The following TSPAN2 variants were observed in gnomAD, a reference collection of about 807,000 sequenced individuals.
The protein encoded by TSPAN2 is tetraspanin 2.
In TSPAN2, 24 loss-of-function variants were observed where a neutral mutation model predicts 33.3. The ratio of observed to expected loss-of-function variants is 0.72; its 90% confidence interval spans 0.52 to 1.01. TSPAN2 has a LOEUF of 1.01. Ranked by LOEUF, TSPAN2 falls within the 50% of genes least tolerant of loss-of-function variation. TSPAN2 has a pLI of 0.00. For missense variants in TSPAN2, 278 were observed against 281.3 expected (o/e 0.99, Z 0.08); for synonymous variants, 114 against 104.5 (o/e 1.09, Z -0.56).
At chr1:115,074,717 AT>A (rs1648333968) in intron 1 of TSPAN2, among the ~76,000 whole-genome samples, 1 of 152,154 alleles carries the variant, frequency 6.6e-6, no homozygotes, top group Non-Finnish European at 1.5e-5. Flanking sequence ...TTAAAAATAC[AT>A]TTTTAAAGTG....
chr1:115,080,326 C>A (rs1648578690), intron 1 of TSPAN2, among the ~76,000 whole-genome samples: 1 of 152,124 alleles, frequency 6.6e-6, no homozygotes, highest in Admixed American at 6.5e-5. Flanking sequence ...CTCTGTTGCC[C>A]AGGCTGGAGT....
In TSPAN2 at chr1:115,060,549, G is replaced by A; in HGVS notation, c.271-11C>T. The stretch of plus-strand genomic sequence containing the variant: ...GAGGCAGGTAAAAAACTGTAGAGGA[G>A]AGAAAATACTAATTTCATTAATTTA... On this transcript the variant is annotated splice_polypyrimidine_tract_variant and intron_variant, in intron 3 of 7. Coordinates refer to ENST00000369516, the MANE Select transcript of TSPAN2 (RefSeq NM_005725.6). 1 of 1,603,498 alleles carries A rather than the reference G, an allele frequency of 6.2e-7. No individual in the cohort carries two copies. The highest frequency in any genetic ancestry group is 2.2e-5 in the East Asian group (1 of 44,740).
intron 4 of TSPAN2, 49 bp downstream of exon 4, chr1:115,060,415 C>A: frequency 7.0e-7 from 1 of 1,432,262 alleles, no homozygotes; most frequent in South Asian, 1.2e-5. Flanking sequence ...TATCAATATT[C>A]TAACACTTTT....
chr1:115,089,491 G>T lies in TSPAN2; in HGVS notation c.-59C>A, dbSNP rs1384439608. ...GGCCCGCGCTACGAGCGCGGGGAGC[G>T]GCAGGCTCCGGCGGGGAGGGGGCGG... is the stretch of plus-strand genomic sequence containing the variant. On this transcript the variant is annotated 5_prime_UTR_variant, in exon 1 of 8. Coordinates refer to ENST00000369516, the MANE Select transcript of TSPAN2 (RefSeq NM_005725.6). 5.4e-6 allele frequency: 7 copies of T among 1,299,104 alleles called. No homozygotes were observed. The highest frequency in any genetic ancestry group is 3.1e-5 in the East Asian group (1 of 31,990). 80.5% of individuals were successfully genotyped at this position (1,299,104 alleles called of 1,614,324 possible).
intron 2 of TSPAN2, among the ~76,000 whole-genome samples, chr1:115,067,573 C>T (rs1040556571): frequency 2.0e-5 from 3 of 152,136 alleles, no homozygotes; most frequent in Non-Finnish European, 2.9e-5. Context: ...ATATGACCAG[C>T]GTGAGTCAGA....
At chr1:115,077,383 A>G (rs1274752294) in intron 1 of TSPAN2, among the ~76,000 whole-genome samples, 1 of 152,206 alleles carries the variant, frequency 6.6e-6, no homozygotes, top group Non-Finnish European at 1.5e-5. Flanking sequence ...GATAGTGACA[A>G]TAATTCCAAG....
chr1:115,053,945 A>G (rs1647284991), intron 6 of TSPAN2, among the ~76,000 whole-genome samples: 1 of 152,230 alleles, frequency 6.6e-6, no homozygotes, highest in African/African-American at 2.4e-5. Flanking sequence ...AAGTTAAACA[A>G]AGGAAAGCCA....
chr1:115,075,514 CT>C (rs1425214793), intron 1 of TSPAN2, among the ~76,000 whole-genome samples: 1 of 152,170 alleles, frequency 6.6e-6, no homozygotes, highest in Non-Finnish European at 1.5e-5. Context: ...CTCGCCATTC[CT>C]TTAAGATTCA....
chr1:115,089,268 C>T, intron 1 of TSPAN2, 96 bp downstream of exon 1: 2 of 1,145,242 alleles, frequency 1.7e-6, no homozygotes, highest in Non-Finnish European at 2.4e-6. Flanking sequence ...CCCACGAGCG[C>T]GACTCGGACG....
intron 1 of TSPAN2, among the ~76,000 whole-genome samples, chr1:115,084,063 T>C (rs1648739832): frequency 6.6e-6 from 1 of 152,214 alleles, no homozygotes; most frequent in Admixed American, 6.5e-5. Context: ...AGCCTCTTGC[T>C]ACCTTGCTTG....
intron 1 of TSPAN2, among the ~76,000 whole-genome samples, chr1:115,081,777 C>T (rs1315649736): frequency 6.6e-6 from 1 of 152,230 alleles, no homozygotes; most frequent in African/African-American, 2.4e-5. Flanking sequence ...ATGTTACCTT[C>T]AAACCAAAAG....
chr1:115,059,644 C>T (rs906893538), intron 4 of TSPAN2, among the ~76,000 whole-genome samples: 1 of 152,194 alleles, frequency 6.6e-6, no homozygotes, highest in Non-Finnish European at 1.5e-5. Context: ...TTAGAGAATG[C>T]TTTTTCTAGT....
At chr1:115,052,627 C>A (rs551232577) in intron 7 of TSPAN2, among the ~76,000 whole-genome samples, 87 of 152,256 alleles carry the variant, frequency 5.7e-4, no homozygotes, top group African/African-American at 2.1e-3. Context: ...CATACCTGTC[C>A]GCTGCTATCC....
chr1:115,055,812 T>C lies in TSPAN2; in HGVS notation c.516+1725A>G, dbSNP rs144569567. On this transcript the variant is annotated intron_variant, in intron 6 of 7. Transcript: ENST00000369516. ...GCTAGGATTACAGGTGAAATCATGA[T>C]TCTTAATGGTGGTAAAACATTTCAT... Among the ~76,000 whole-genome samples, 729 of 152,294 alleles carry C rather than the reference T, an allele frequency of 4.8e-3. 8 individuals are homozygous for C. Among genetic ancestry groups the C allele is most frequent in the African/African-American group, 0.016 (680 of 41,562 alleles).
chr1:115,069,188 A>G (rs1023093459), intron 2 of TSPAN2, among the ~76,000 whole-genome samples: 1 of 152,190 alleles, frequency 6.6e-6, no homozygotes, highest in Non-Finnish European at 1.5e-5. Context: ...CTGTGACACC[A>G]AGAGCAAGCA....
Position 115,057,642 on chromosome 1 carries a change from C to T in TSPAN2, c.445-34G>A, listed in dbSNP as rs376518245. On this transcript the variant is annotated intron_variant, in intron 5 of 7. Transcript: ENST00000369516. ...TCAGAAAAGAGACTTCAGGACCAGG[C>T]GGGAGGAGTAGCAGCTACAAGTCTG... The T allele has an allele frequency of 1.4e-4, 224 of 1,606,350 alleles. 1 individual carries two copies. The highest frequency in any genetic ancestry group is 1.7e-4 in the Non-Finnish European group (203 of 1,173,516).
intron 1 of TSPAN2, among the ~76,000 whole-genome samples, chr1:115,080,170 T>C (rs1368705041): frequency 6.6e-6 from 1 of 152,186 alleles, no homozygotes; most frequent in Non-Finnish European, 1.5e-5. Context: ...GTGGAAAATG[T>C]GTTGTTTATT....
intron 6 of TSPAN2, among the ~76,000 whole-genome samples, chr1:115,056,166 T>C (rs775151470): frequency 6.6e-6 from 1 of 152,368 alleles, no homozygotes; most frequent in East Asian, 1.9e-4. Flanking sequence ...GTCAATTTCA[T>C]AGATTAAACA....
chr1:115,087,503 C>A (rs1170203116), intron 1 of TSPAN2, among the ~76,000 whole-genome samples: 1 of 150,000 alleles, frequency 6.7e-6, no homozygotes, highest in East Asian at 2.0e-4. Flanking sequence ...GTAGTCCCAG[C>A]TATTTGGGCG....
Sources: allele counts gnomAD v4.1 joint callset (sites outside exome capture counted in the v4.1 genomes callset), GRCh38; gene constraint gnomAD v4.1.1; transcripts MANE v1.5; gene names NCBI Gene and HGNC (gene_info 2026-07-23, HGNC 2026-07-21).